Variants in AFDN observed in about 807,000 individuals in gnomAD.
The protein encoded by AFDN is afadin, adherens junction formation factor.
Under a neutral mutation model 216.6 loss-of-function variants are expected in AFDN, and 68 were observed. That is an observed-to-expected ratio of 0.31 (90% confidence interval 0.26 to 0.38). AFDN has a LOEUF of 0.38. AFDN is among the 10% of genes least tolerant of loss of function. The pLI is 1.00. For synonymous variants in AFDN, 868 were observed against 853.7 expected, an observed-to-expected ratio of 1.02 and a Z score of -0.29; for missense variants, 2,136 against 2,342.0, an observed-to-expected ratio of 0.91 and a Z score of 1.82.
intron 23 of AFDN, among the ~76,000 whole-genome samples, chr6:167,931,821 G>C (rs2038241): frequency 0.15 from 23,171 of 152,118 alleles, 1,968 homozygotes; most frequent in South Asian, 0.23. Context: ...CTTACTGAGC[G>C]TGTTGGTGTG....
intron 2 of AFDN, among the ~76,000 whole-genome samples, chr6:167,865,645 T>C (rs2128231585): frequency 6.6e-6 from 1 of 152,258 alleles, no homozygotes; most frequent in Admixed American, 6.5e-5. Context: ...TGTAGAAATT[T>C]TTAAATTTTT....
rs1790370673 is a variant in AFDN, at chr6:167,911,382, T to C, written c.1930T>C (p.Tyr644His). The C allele has an allele frequency of 6.2e-7, 1 of 1,614,040 alleles. No individual in the cohort carries two copies. The highest frequency in any genetic ancestry group is 1.3e-5 in the African/African-American group (1 of 74,932). Residue 644 changes from tyrosine (Y) to histidine (H), a missense_variant, in exon 15 of 34, where the codon TAT (tyrosine) becomes CAT (histidine). Physicochemically the swap from Tyr to His is moderately conservative, Grantham distance 83. Transcript: ENST00000683244. ...PTYVLYMACR[Y>H]VLSNQYRPDI... ...ATATGTATTATATATGGCATGCCGGTATGTATTGTCCAACCAGTACAGACC... is the reference window on the plus strand; with the variant it reads ...ATATGTATTATATATGGCATGCCGGCATGTATTGTCCAACCAGTACAGACC...
intron 23 of AFDN, among the ~76,000 whole-genome samples, chr6:167,928,376 G>A (rs1384942675): frequency 6.6e-6 from 1 of 152,212 alleles, no homozygotes; most frequent in Non-Finnish European, 1.5e-5. Context: ...AAGCCAGCTT[G>A]AAAGTCACAC....
At position 167,915,235 on chromosome 6, in the gene AFDN, G is replaced by A; in HGVS notation, c.2367G>A (p.Leu789=). The change falls in exon 19 of 34, where the codon CTG becomes CTA. Residue 789 remains leucine (L), a synonymous_variant. Transcript: ENST00000683244. ...LLRRCRVNAA[L]TIQLFSQLFH... is the part of the protein sequence containing the mutation. Reference sequence around the variant, plus strand: ...GACGCTGCAGAGTCAATGCCGCCCTGACCATCCAGCTCTTCTCTCAGCTCT... The same window carrying A: ...GACGCTGCAGAGTCAATGCCGCCCTAACCATCCAGCTCTTCTCTCAGCTCT... 6.2e-7 allele frequency: 1 copy of A among 1,614,214 alleles called. No individual in the cohort carries two copies. The highest frequency in any genetic ancestry group is 8.5e-7 in the Non-Finnish European group (1 of 1,180,042).
chr6:167,899,553 G>T (rs368214411), intron 11 of AFDN, among the ~76,000 whole-genome samples: 9 of 152,170 alleles, frequency 5.9e-5, no homozygotes, highest in African/African-American at 2.2e-4. Context: ...AGCTTTACAT[G>T]GGCTCTTCCC....
intron 23 of AFDN, among the ~76,000 whole-genome samples, chr6:167,930,850 A>G (rs1310849793): frequency 6.6e-6 from 1 of 152,228 alleles, no homozygotes; most frequent in African/African-American, 2.4e-5. Flanking sequence ...CTTGAGGTTT[A>G]AATGAGGCAT....
At chr6:167,836,028 A>G (rs1469955581) in intron 1 of AFDN, among the ~76,000 whole-genome samples, 1 of 152,230 alleles carries the variant, frequency 6.6e-6, no homozygotes, top group African/African-American at 2.4e-5. Context: ...TACGCATTAT[A>G]TATTTTCTGT....
chr6:167,864,419 T>C (rs754074525), intron 1 of AFDN, 132 bp from the exon 2 acceptor site: 1 of 874,224 alleles, frequency 1.1e-6, no homozygotes, highest in Non-Finnish European at 1.9e-6. Context: ...CCCATCTCTC[T>C]ACATTAGTCT....
chr6:167,839,143 T>C (rs1583103186), intron 1 of AFDN, among the ~76,000 whole-genome samples: 1 of 152,194 alleles, frequency 6.6e-6, no homozygotes, highest in African/African-American at 2.4e-5. Flanking sequence ...AAATCAGTAA[T>C]GTTAACATTT....
chr6:167,867,031 C>T (rs1018967414), intron 2 of AFDN, among the ~76,000 whole-genome samples: 20 of 152,222 alleles, frequency 1.3e-4, no homozygotes, highest in African/African-American at 4.6e-4. Flanking sequence ...ACTTTAAAAA[C>T]GTGAATGAAA....
intron 21 of AFDN, 148 bp downstream of exon 21, chr6:167,919,081 A>G: frequency 1.4e-6 from 1 of 700,062 alleles, no homozygotes; most frequent in South Asian, 1.8e-5. Context: ...ACTTGGAGAA[A>G]TATTTCATGG....
At chr6:167,875,631 T>C (rs1362685803) in intron 5 of AFDN, 136 bp downstream of exon 5, 2 of 908,436 alleles carry the variant, frequency 2.2e-6, no homozygotes, top group Non-Finnish European at 3.4e-6. Context: ...ACCATATACT[T>C]CTGGTACAAA....
At chr6:167,960,183 A>G (rs748695607) in intron 30 of AFDN, among the ~76,000 whole-genome samples, 22 of 152,204 alleles carry the variant, frequency 1.4e-4, no homozygotes, top group Non-Finnish European at 1.5e-5. Flanking sequence ...AGAACAAAAC[A>G]ATTTATGTTT....
intron 1 of AFDN, among the ~76,000 whole-genome samples, chr6:167,844,438 GTATAAA>G (rs1781413661): frequency 6.6e-6 from 1 of 152,132 alleles, no homozygotes; most frequent in African/African-American, 2.4e-5. Flanking sequence ...ACAAAAGTAT[GTATAAA>G]TATAATTATC....
intron 15 of AFDN, chr6:167,911,892 C>A: frequency 4.2e-6 from 1 of 235,614 alleles, no homozygotes; most frequent in Admixed American, 5.0e-5. Flanking sequence ...GGTTCCAAAA[C>A]GTCTCCATCA....
At chr6:167,963,185 A>G (rs1797209871) in intron 31 of AFDN, 25 of 1,065,878 alleles carry the variant, frequency 2.3e-5, no homozygotes, top group Non-Finnish European at 2.8e-5. Flanking sequence ...GAATTTTGAC[A>G]TTCTGAGAAA....
In AFDN at chr6:167,963,230, T is replaced by A. The variant is rs896449774; in HGVS notation, c.4968+663T>A. 2.8e-6 allele frequency: 3 copies of A among 1,064,506 alleles called. No homozygotes were observed. In the African/African-American group the frequency reaches 4.9e-5, roughly 17 times the overall value. The allele number at this position is 1,064,506 out of a possible 1,614,324, so 65.9% of individuals were successfully genotyped here. A position where few individuals can be genotyped will look rare whatever the true frequency, so the allele number is the denominator to read the frequency against. On this transcript the variant is annotated intron_variant, in intron 31 of 33. Coordinates refer to ENST00000683244, the MANE Select transcript of AFDN (RefSeq NM_001386888.1). ...TGAGATGTTTCTCTCCATATCTCCC[T>A]TTGTCCTGTGTGTGTGGCCGACGCC...
At chr6:167,966,423 C>A in intron 32 of AFDN, 1 of 571,000 alleles carries the variant, frequency 1.8e-6, no homozygotes, top group Non-Finnish European at 2.7e-6. Flanking sequence ...GCATGGTGAT[C>A]CTCCTCTGCC....
chr6:167,875,884 A>G (rs1319295612), intron 5 of AFDN, among the ~76,000 whole-genome samples: 3 of 152,212 alleles, frequency 2.0e-5, no homozygotes, highest in Non-Finnish European at 1.5e-5. Flanking sequence ...TCTTTCAACT[A>G]TAAATATTTT....
Sources: allele counts gnomAD v4.1 joint callset (sites outside exome capture counted in the v4.1 genomes callset), GRCh38; gene constraint gnomAD v4.1.1; transcripts MANE v1.5; gene names NCBI Gene and HGNC (gene_info 2026-07-23, HGNC 2026-07-21).